FRMD4A: variants seen among roughly 807,000 people sequenced by gnomAD.
FRMD4A encodes FERM domain-containing protein 4A.
In FRMD4A, 29 loss-of-function variants were observed where a neutral mutation model predicts 129.1. The observed-to-expected ratio is 0.22, with a 90% CI of 0.17 to 0.31. FRMD4A has a LOEUF of 0.31. Among genes scored for constraint, FRMD4A ranks in the 10% least tolerant of loss-of-function variants. The pLI is 1.00. For synonymous variants in FRMD4A, 634 were observed against 571.6 expected (o/e 1.11, Z -1.56); for missense variants, 1,272 against 1,375.8 (o/e 0.92, Z 1.19).
At chr10:14,155,900 G>A (rs1253975417) in intron 2 of FRMD4A, among the ~76,000 whole-genome samples, 1 of 152,148 alleles carries the variant, frequency 6.6e-6, no homozygotes, top group South Asian at 2.1e-4. Context: ...AGATACAAAT[G>A]CTACATAACA....
chr10:13,931,359 A>G (rs1436578283), intron 2 of FRMD4A, among the ~76,000 whole-genome samples: 2 of 152,152 alleles, frequency 1.3e-5, no homozygotes, highest in Non-Finnish European at 2.9e-5. Context: ...CTAGCTAGCA[A>G]GAGCTGCAGT....
At chr10:13,927,173 C>T (rs2095142668) in intron 2 of FRMD4A, among the ~76,000 whole-genome samples, 1 of 151,884 alleles carries the variant, frequency 6.6e-6, no homozygotes, top group South Asian at 2.1e-4. Context: ...AGGAGAATCG[C>T]TTGAACCCGG....
At chr10:13,940,172 C>T (rs149425593) in intron 2 of FRMD4A, among the ~76,000 whole-genome samples, 98 of 152,008 alleles carry the variant, frequency 6.4e-4, no homozygotes, top group African/African-American at 2.0e-3. Flanking sequence ...TTTCTCAGTA[C>T]GTGCTTCCTT....
chr10:13,708,571 T>G (rs1461400373), intron 12 of FRMD4A, among the ~76,000 whole-genome samples: 1 of 152,238 alleles, frequency 6.6e-6, no homozygotes, highest in Non-Finnish European at 1.5e-5. Context: ...GAAATTGTAT[T>G]TTTCTTTCTT....
intron 2 of FRMD4A, among the ~76,000 whole-genome samples, chr10:13,886,433 G>A (rs754193627): frequency 4.6e-5 from 7 of 152,214 alleles, no homozygotes; most frequent in South Asian, 2.1e-4. Flanking sequence ...CCAGGACTCC[G>A]GACTTTAAGG....
intron 2 of FRMD4A, among the ~76,000 whole-genome samples, chr10:13,865,699 G>A (rs958762120): frequency 1.3e-5 from 2 of 151,928 alleles, no homozygotes; most frequent in African/African-American, 4.8e-5. Flanking sequence ...GCCTCCCAAA[G>A]TGCTGGGATT....
chr10:13,778,304 A>G (rs1282233890), intron 6 of FRMD4A, among the ~76,000 whole-genome samples: 2 of 152,170 alleles, frequency 1.3e-5, no homozygotes, highest in African/African-American at 4.8e-5. Flanking sequence ...CTTTATAATG[A>G]GAAAGTGGGG....
At chr10:13,865,462 A>ATTTTATTTTATTTT (rs2094354691) in intron 2 of FRMD4A, among the ~76,000 whole-genome samples, 2 of 38,630 alleles carry the variant, frequency 5.2e-5, no homozygotes, top group Non-Finnish European at 8.7e-5. Context: ...TATTTTATTT[A>ATTTTATTTTATTTT]TTTTTATAGA....
At chr10:13,889,138 T>C (rs1252467163) in intron 2 of FRMD4A, among the ~76,000 whole-genome samples, 1 of 152,238 alleles carries the variant, frequency 6.6e-6, no homozygotes, top group Non-Finnish European at 1.5e-5. Context: ...AGTAACGATC[T>C]TTGATGGTAG....
chr10:13,937,356 T>C (rs2095257252), intron 2 of FRMD4A, among the ~76,000 whole-genome samples: 1 of 152,156 alleles, frequency 6.6e-6, no homozygotes, highest in African/African-American at 2.4e-5. Flanking sequence ...GCAGATGAAC[T>C]AAAAAACAAC....
At chr10:14,279,744 A>G (rs1350183710) in intron 2 of FRMD4A, among the ~76,000 whole-genome samples, 1 of 152,216 alleles carries the variant, frequency 6.6e-6, no homozygotes, top group Non-Finnish European at 1.5e-5. Flanking sequence ...GTCAATGTGC[A>G]TGATCTCATT....
intron 2 of FRMD4A, among the ~76,000 whole-genome samples, chr10:14,260,545 T>C (rs562506231): frequency 6.6e-6 from 1 of 152,306 alleles, no homozygotes; most frequent in African/African-American, 2.4e-5. Flanking sequence ...TTTCCTTTCA[T>C]GGCATGGCAC....
At chr10:13,756,008 G>A (rs567403836) in intron 8 of FRMD4A, 1 of 152,330 alleles carries the variant, frequency 6.6e-6, no homozygotes, top group South Asian at 2.1e-4. Context: ...TCTTTACACG[G>A]AATTTCCTTA....
chr10:13,665,949 A>T, intron 18 of FRMD4A, 148 bp downstream of exon 18: 1 of 636,326 alleles, frequency 1.6e-6, no homozygotes, highest in Non-Finnish European at 2.8e-6. Context: ...ATCAGGCCTT[A>T]CTCGCTTCAT....
At chr10:13,912,694 A>G (rs1483397737) in intron 2 of FRMD4A, among the ~76,000 whole-genome samples, 1 of 151,632 alleles carries the variant, frequency 6.6e-6, no homozygotes, top group Non-Finnish European at 1.5e-5. Context: ...TGCCCGGCTA[A>G]TTTTTTTTGT....
intron 2 of FRMD4A, among the ~76,000 whole-genome samples, chr10:14,054,374 G>A (rs944251373): frequency 2.6e-5 from 4 of 152,138 alleles, no homozygotes; most frequent in Non-Finnish European, 4.4e-5. Flanking sequence ...GAAAACGGAC[G>A]CTGCTTTTTC....
At chr10:14,151,405 A>G (rs1480842963) in intron 2 of FRMD4A, among the ~76,000 whole-genome samples, 1 of 152,218 alleles carries the variant, frequency 6.6e-6, no homozygotes, top group Non-Finnish European at 1.5e-5. Flanking sequence ...AACTAACAGG[A>G]AGCACAAAAG....
At chr10:14,193,079 G>A (rs1842365261) in intron 2 of FRMD4A, among the ~76,000 whole-genome samples, 1 of 152,170 alleles carries the variant, frequency 6.6e-6, no homozygotes, top group African/African-American at 2.4e-5. Flanking sequence ...TCTACCCTGG[G>A]CCATCCATGG....
At chr10:13,966,435 C>A (rs546489037) in intron 2 of FRMD4A, among the ~76,000 whole-genome samples, 1 of 152,150 alleles carries the variant, frequency 6.6e-6, no homozygotes, top group Non-Finnish European at 1.5e-5. Flanking sequence ...TAATAGAAGC[C>A]GCAGGCCCTG....
Sources: allele counts gnomAD v4.1 joint callset (sites outside exome capture counted in the v4.1 genomes callset), GRCh38; gene constraint gnomAD v4.1.1; transcripts MANE v1.5; gene names NCBI Gene and HGNC (gene_info 2026-07-23, HGNC 2026-07-21).